Variants in TMEM232 observed in about 807,000 individuals in gnomAD.
TMEM232 encodes the protein transmembrane protein 232.
TMEM232 carries 80 observed loss-of-function variants against 78.8 expected under a neutral mutation model. The ratio of observed to expected loss-of-function variants is 1.01; its 90% CI spans 0.85 to 1.22. TMEM232 has a LOEUF of 1.22. Ranked by LOEUF, TMEM232 falls within the 50% of genes most tolerant of loss-of-function variation. TMEM232 has a pLI of 0.00. For synonymous variants in TMEM232, 297 were observed against 254.3 expected (o/e 1.17, Z -1.60); for missense variants, 881 against 742.2 (o/e 1.19, Z -2.17).
chr5:110,392,904 C>A (rs888594879), intron 3 of TMEM232, among the ~76,000 whole-genome samples: 3 of 152,158 alleles, frequency 2.0e-5, no homozygotes, highest in Admixed American at 6.6e-5. Flanking sequence ...CACAATATCT[C>A]ATTTTCTTTC....
chr5:110,695,013 C>T (rs551195585), intron 1 of TMEM232, among the ~76,000 whole-genome samples: 2 of 152,274 alleles, frequency 1.3e-5, no homozygotes, highest in African/African-American at 4.8e-5. Flanking sequence ...TTTTCAGCAC[C>T]ACACCACACC....
At chr5:110,655,281 TGCA>T (rs1201478983) in intron 2 of TMEM232, among the ~76,000 whole-genome samples, 1 of 150,782 alleles carries the variant, frequency 6.6e-6, no homozygotes, top group Non-Finnish European at 1.5e-5. Flanking sequence ...AAGACATTTA[TGCA>T]GCCAAAAGAC....
At chr5:110,698,440 A>C (rs193060818) in intron 1 of TMEM232, among the ~76,000 whole-genome samples, 161 of 151,466 alleles carry the variant, frequency 1.1e-3, no homozygotes, top group African/African-American at 3.8e-3. Flanking sequence ...TATAATAATA[A>C]AATTAAAAAA....
chr5:110,580,994 A>C lies in TMEM232; in HGVS notation c.1277-12369T>G, dbSNP rs10037651. Among the ~76,000 whole-genome samples the C allele has an allele frequency of 4.2e-3, 644 of 151,896 alleles. 3 individuals carry two copies. The highest frequency in any genetic ancestry group is 0.014 in the African/African-American group (598 of 41,512). ...ATCTCTATAAGGAGAACTATAAAAC[A>C]CTGCTGAAAGAAGTCAGAGGTGATA... On this transcript the variant is annotated intron_variant, in intron 10 of 13. Transcript: ENST00000455884.
intron 12 of TMEM232, among the ~76,000 whole-genome samples, chr5:110,503,291 T>C (rs764177950): frequency 1.6e-4 from 25 of 152,132 alleles, no homozygotes; most frequent in Admixed American, 3.9e-4. Context: ...GTCTGACAGA[T>C]TGAATGTGTA....
chr5:110,674,551 T>G (rs1791780724), intron 1 of TMEM232, among the ~76,000 whole-genome samples: 1 of 152,228 alleles, frequency 6.6e-6, no homozygotes, highest in Non-Finnish European at 1.5e-5. Context: ...AAATGCCATT[T>G]ATGTAAACCA....
intron 12 of TMEM232, among the ~76,000 whole-genome samples, chr5:110,515,588 C>T (rs951013418): frequency 6.6e-5 from 10 of 152,190 alleles, no homozygotes; most frequent in Non-Finnish European, 1.3e-4. Flanking sequence ...AACTCCAGCA[C>T]CCCTAATCAA....
intron 2 of TMEM232, among the ~76,000 whole-genome samples, chr5:110,649,978 A>C (rs1788069144): frequency 6.6e-6 from 1 of 152,110 alleles, no homozygotes; most frequent in Non-Finnish European, 1.5e-5. Flanking sequence ...AATAAATAGA[A>C]ATATTTCATG....
At chr5:110,550,275 A>C (rs993035305) in intron 11 of TMEM232, among the ~76,000 whole-genome samples, 1 of 152,184 alleles carries the variant, frequency 6.6e-6, no homozygotes, top group Non-Finnish European at 1.5e-5. Flanking sequence ...TTCTTGTTAA[A>C]CTTGGAAAAA....
At chr5:110,734,565 C>T (rs1233193377) in intron 2 of TMEM232, among the ~76,000 whole-genome samples, 2 of 152,176 alleles carry the variant, frequency 1.3e-5, no homozygotes, top group East Asian at 1.9e-4. Flanking sequence ...ATCTTCTGAA[C>T]ATAAATGCTA....
chr5:110,652,738 ATGG>A (rs1200301342), intron 2 of TMEM232, among the ~76,000 whole-genome samples: 3 of 152,302 alleles, frequency 2.0e-5, no homozygotes, highest in African/African-American at 7.2e-5. Flanking sequence ...TATATAACAC[ATGG>A]TAAGAAGCAA....
At chr5:110,514,491 C>T (rs1768303456) in intron 12 of TMEM232, among the ~76,000 whole-genome samples, 1 of 151,996 alleles carries the variant, frequency 6.6e-6, no homozygotes, top group Admixed American at 6.6e-5. Context: ...GGCTCTTTAT[C>T]TACCTTCTTT....
chr5:110,529,241 A>G (rs1390528419), intron 11 of TMEM232, among the ~76,000 whole-genome samples: 1 of 152,036 alleles, frequency 6.6e-6, no homozygotes, highest in Non-Finnish European at 1.5e-5. Context: ...TGATATCAAC[A>G]GAGCATTTTT....
At chr5:110,478,259 T>C (rs1405583442) in intron 12 of TMEM232, among the ~76,000 whole-genome samples, 1 of 151,960 alleles carries the variant, frequency 6.6e-6, no homozygotes, top group African/African-American at 2.4e-5. Flanking sequence ...TAATGAAATA[T>C]TAAAAAGATA....
intron 11 of TMEM232, among the ~76,000 whole-genome samples, chr5:110,533,630 A>G (rs2149548389): frequency 6.6e-6 from 1 of 152,160 alleles, no homozygotes; most frequent in African/African-American, 2.4e-5. Flanking sequence ...CTTCAGCTGT[A>G]CTCACTCTTT....
At chr5:110,674,546 C>T (rs151142869) in intron 1 of TMEM232, among the ~76,000 whole-genome samples, 9 of 152,180 alleles carry the variant, frequency 5.9e-5, no homozygotes, top group Admixed American at 1.3e-4. Flanking sequence ...CTTTTAAATG[C>T]CATTTATGTA....
chr5:110,673,204 C>CA (rs1384130653), intron 1 of TMEM232, among the ~76,000 whole-genome samples: 4 of 150,462 alleles, frequency 2.7e-5, no homozygotes, highest in East Asian at 4.0e-4. Flanking sequence ...ATTGCAAGGA[C>CA]AAAAAACCAA....
intron 11 of TMEM232, among the ~76,000 whole-genome samples, chr5:110,567,911 T>A (rs1264027437): frequency 6.6e-6 from 1 of 151,914 alleles, no homozygotes; most frequent in African/African-American, 2.4e-5. Flanking sequence ...CCCCTCCTAT[T>A]TGAATCTTAC....
chr5:110,421,140 A>T (rs939251398), intron 13 of TMEM232, among the ~76,000 whole-genome samples: 1 of 152,082 alleles, frequency 6.6e-6, no homozygotes, highest in Non-Finnish European at 1.5e-5. Flanking sequence ...GAAAATACAA[A>T]TTAAACAGAA....
Sources: allele counts gnomAD v4.1 joint callset (sites outside exome capture counted in the v4.1 genomes callset), GRCh38; gene constraint gnomAD v4.1.1; transcripts MANE v1.5; gene names NCBI Gene and HGNC (gene_info 2026-07-23, HGNC 2026-07-21).